The following SF3A3 variants were observed in gnomAD, a reference collection of about 807,000 sequenced individuals.
SF3A3 encodes splicing factor 3a subunit 3.
Under a neutral mutation model 85.8 loss-of-function variants are expected in SF3A3, and 9 were observed. The ratio of observed to expected loss-of-function variants is 0.10; its 90% CI spans 0.06 to 0.18. SF3A3 has a LOEUF of 0.18. SF3A3 is among the 10% of genes least tolerant of loss of function. The pLI, the probability that SF3A3 is intolerant of heterozygous loss-of-function variation, is 1.00. For synonymous variants in SF3A3, 195 were observed against 204.4 expected (o/e 0.95, Z 0.39); for missense variants, 306 against 593.3 (o/e 0.52, Z 5.03).
chr1:37,975,892 C>G (rs377125347), intron 12 of SF3A3, among the ~76,000 whole-genome samples: 4 of 152,190 alleles, frequency 2.6e-5, no homozygotes, highest in South Asian at 2.1e-4. Context: ...CGCGGTGGCT[C>G]ACGCCTGTAA....
chr1:37,986,135 G>C (rs1646455039), intron 4 of SF3A3, among the ~76,000 whole-genome samples: 1 of 151,924 alleles, frequency 6.6e-6, no homozygotes, highest in Non-Finnish European at 1.5e-5. Flanking sequence ...TTTTAGTAGA[G>C]AGAGGTTTCA....
intron 4 of SF3A3, among the ~76,000 whole-genome samples, chr1:37,985,546 A>G (rs993275958): frequency 9.9e-5 from 15 of 152,216 alleles, no homozygotes; most frequent in African/African-American, 1.7e-4. Context: ...ATTTAAATAT[A>G]TGTATTTGTA....
intron 12 of SF3A3, among the ~76,000 whole-genome samples, chr1:37,974,869 T>C: frequency 6.6e-6 from 1 of 152,236 alleles, no homozygotes; most frequent in East Asian, 1.9e-4. Flanking sequence ...TATAATTTTA[T>C]CTAATACTGT....
intron 2 of SF3A3, 148 bp downstream of exon 2, chr1:37,989,400 C>G (rs1646478804): frequency 2.9e-6 from 2 of 698,486 alleles, no homozygotes; most frequent in African/African-American, 3.6e-5. Context: ...CGTTCGGCAG[C>G]CTGTGGACAT....
Position 37,968,620 on chromosome 1 carries a change from A to G in SF3A3, c.1282-486T>C, listed in dbSNP as rs191229410. ...CACTGACATGATGGCAGTTTTAACT[A>G]AGGGATGGTAAATGGCATGGGCTTT... On this transcript the variant is annotated intron_variant, in intron 14 of 16. Transcript: ENST00000373019. 3.2e-3 allele frequency among the ~76,000 whole-genome samples: 487 copies of G among 152,304 alleles called. 4 individuals carry two copies. The highest frequency in any genetic ancestry group is 6.0e-3 in the Non-Finnish European group (410 of 68,020).
At chr1:37,979,439 C>T in intron 9 of SF3A3, 26 bp downstream of exon 9, 5 of 1,557,076 alleles carry the variant, frequency 3.2e-6, no homozygotes, top group Non-Finnish European at 4.4e-6. Context: ...ACAGAGAGAA[C>T]ACTACTACTG....
Position 37,960,182 on chromosome 1 carries a change from G to A in SF3A3, c.1373-7C>T, listed in dbSNP as rs1209288982. 4 of 1,613,620 alleles carry A rather than the reference G, an allele frequency of 2.5e-6. No individual in the cohort carries two copies. Among genetic ancestry groups the A allele is most frequent in the Non-Finnish European group, 3.4e-6 (4 of 1,179,650 alleles). Reference sequence around the variant, plus strand: ...AATTTCAGTTTGGCCCACACTGCAGGATGAGAAATGAACAGCAATCAGGAT... The same window carrying A: ...AATTTCAGTTTGGCCCACACTGCAGAATGAGAAATGAACAGCAATCAGGAT... On this transcript the variant is annotated splice_region_variant and splice_polypyrimidine_tract_variant and intron_variant, in intron 15 of 16. Coordinates refer to ENST00000373019, the MANE Select transcript of SF3A3 (RefSeq NM_006802.4).
chr1:37,987,712 G>T (rs765213592), intron 3 of SF3A3, 34 bp from the exon 4 acceptor site: 4 of 1,607,084 alleles, frequency 2.5e-6, no homozygotes, highest in Non-Finnish European at 3.4e-6. Context: ...AGAAGATAGA[G>T]CACAAAGTCA....
chr1:37,989,575 A>T lies in SF3A3; in HGVS notation c.117T>A (p.Ser39=). 2 of 1,614,094 alleles carry T rather than the reference A, an allele frequency of 1.2e-6. No individual in the cohort carries two copies. The highest frequency in any genetic ancestry group is 1.3e-5 in the African/African-American group (1 of 75,050). The change falls in exon 2 of 17, where the codon TCT becomes TCA. Residue 39 remains serine, a synonymous_variant. Transcript: ENST00000373019. The part of the protein sequence containing the change: ...KKSTLRDQIN[S]DHRTRAMQDR... ...CTTGCATGGCCCGAGTGCGGTGATC[A>T]GAATTGATCTGGTCCCGGAGCTGAA...
chr1:37,973,440 A>G (rs573421848), intron 12 of SF3A3, among the ~76,000 whole-genome samples: 1 of 152,322 alleles, frequency 6.6e-6, no homozygotes, highest in South Asian at 2.1e-4. Context: ...AATGTTTACA[A>G]TTTACCCATC....
In SF3A3 at chr1:37,975,020, GAGTTTCTTA is replaced by G. The variant is rs577935391; in HGVS notation, c.1005+1855_1005+1863del. Among the ~76,000 whole-genome samples the G allele has an allele frequency of 1.4e-4, 22 of 152,190 alleles. 1 individual carries two copies. The South Asian group carries it at 3.5e-3, about 24-fold the overall frequency. On this transcript the variant is annotated intron_variant, in intron 12 of 16. Coordinates refer to ENST00000373019, the MANE Select transcript of SF3A3 (RefSeq NM_006802.4). The stretch of plus-strand genomic sequence containing the variant: ...TATTTGTCTCCCCTAACCACAAAAT[GAGTTTCTTA>G]AGGGCAAGAGGCTGTGTCTTATTCA...
chr1:37,987,757 C>CCTGG (rs1557756624), intron 3 of SF3A3, 27 bp downstream of exon 3: 4 of 1,609,400 alleles, frequency 2.5e-6, no homozygotes, highest in Middle Eastern at 1.7e-4. Context: ...AGCACTAACT[C>CCTGG]CTGGATTAGC....
intron 2 of SF3A3, 41 bp downstream of exon 2, chr1:37,989,507 C>T: frequency 2.5e-6 from 4 of 1,602,894 alleles, no homozygotes; most frequent in Non-Finnish European, 3.4e-6. Context: ...TCTTTTCCCG[C>T]CCTCGCCAAC....
chr1:37,964,969 G>A (rs1646289061), intron 15 of SF3A3, among the ~76,000 whole-genome samples: 1 of 152,052 alleles, frequency 6.6e-6, no homozygotes, highest in African/African-American at 2.4e-5. Context: ...GGCCAGCCTG[G>A]CCAACATGGT....
chr1:37,984,567 C>T, intron 5 of SF3A3, 140 bp downstream of exon 5: 1 of 681,292 alleles, frequency 1.5e-6, no homozygotes, highest in Non-Finnish European at 2.6e-6. Flanking sequence ...CTTAGGATGT[C>T]ACTCTAGCCC....
chr1:37,966,594 T>G (rs1288295459), intron 15 of SF3A3, among the ~76,000 whole-genome samples: 1 of 152,160 alleles, frequency 6.6e-6, no homozygotes, highest in Non-Finnish European at 1.5e-5. Context: ...ACAGAGCTCT[T>G]CTCAAAGGAG....
At chr1:37,980,836 A>G in intron 7 of SF3A3, 112 bp from the exon 8 acceptor site, 1 of 588,022 alleles carries the variant, frequency 1.7e-6, no homozygotes, top group Non-Finnish European at 2.5e-6. Context: ...TATCTTTTTA[A>G]TACTCTTTTT....
chr1:37,983,586 C>CAAAAA lies in SF3A3; in HGVS notation c.468+578_468+582dup, dbSNP rs371317065. Among the ~76,000 whole-genome samples the CAAAAA allele has an allele frequency of 3.3e-3, 126 of 38,458 alleles. 13 individuals are homozygous for CAAAAA. Among genetic ancestry groups the CAAAAA allele is most frequent in the East Asian group, 8.3e-3 (3 of 360 alleles). 25.2% of individuals were successfully genotyped at this position (38,458 alleles called of 152,430 possible). A position where few individuals can be genotyped will look rare whatever the true frequency, so the allele number is the denominator to read the frequency against. On this transcript the variant is annotated intron_variant, in intron 6 of 16. Transcript: ENST00000373019. ...TGGGTGACAAAGTGAGACCCTGTCTCAAAAAAAAAAAAAAAAAAAAAAGAT... is the reference window on the plus strand; with the variant it reads ...TGGGTGACAAAGTGAGACCCTGTCTCAAAAAAAAAAAAAAAAAAAAAAAAAAAGAT...
chr1:37,984,890 C>T (rs1646444505), intron 4 of SF3A3, 111 bp from the exon 5 acceptor site: 4 of 816,324 alleles, frequency 4.9e-6, no homozygotes, highest in Non-Finnish European at 8.2e-6. Context: ...TCACTGCAAC[C>T]TCTACCTCCC....
Sources: allele counts gnomAD v4.1 joint callset (sites outside exome capture counted in the v4.1 genomes callset), GRCh38; gene constraint gnomAD v4.1.1; transcripts MANE v1.5; gene names NCBI Gene and HGNC (gene_info 2026-07-23, HGNC 2026-07-21).